The following ACOX2 variants were observed in gnomAD, a reference collection of about 807,000 sequenced individuals.
ACOX2 encodes the protein acyl-CoA oxidase 2, also known as peroxisomal acyl-coenzyme A oxidase 2.
Under a neutral mutation model 77.5 loss-of-function variants are expected in ACOX2, and 59 were observed. The ratio of observed to expected loss-of-function variants is 0.76; its 90% confidence interval spans 0.62 to 0.95. The LOEUF is 0.95. Ranked by LOEUF, ACOX2 falls within the 40% of genes least tolerant of loss-of-function variation. The pLI, the probability that ACOX2 is intolerant of heterozygous loss-of-function variation, is 0.00. For missense variants in ACOX2, 837 were observed against 880.4 expected, an observed-to-expected ratio of 0.95 and a Z score of 0.62; for synonymous variants, 317 against 340.1, an observed-to-expected ratio of 0.93 and a Z score of 0.75.
rs183709752 is a variant in ACOX2 at position 58,526,334 on chromosome 3, A to G, written c.1346+132T>C. 10 of 1,052,912 alleles carry G rather than the reference A, an allele frequency of 9.5e-6. No individual in the cohort carries two copies. Among genetic ancestry groups the G allele is most frequent in the African/African-American group, 4.9e-5 (3 of 61,840 alleles). The allele number at this position is 1,052,912 out of a possible 1,614,324, so 65.2% of individuals were successfully genotyped here. A position where few individuals can be genotyped will look rare whatever the true frequency, so the allele number is the denominator to read the frequency against. On this transcript the variant is annotated intron_variant, in intron 10 of 14. Coordinates refer to ENST00000302819, the MANE Select transcript of ACOX2 (RefSeq NM_003500.4). This position sits in a 1 kb window ranked among gnomAD's most constrained non-coding sequence, Gnocchi z 4.3. Reference sequence around the variant, plus strand: ...GTGGATAGGTTAGTCATACTGGGGAATTGGACAGCTCCCAAATAGCACTTC... The same window carrying G: ...GTGGATAGGTTAGTCATACTGGGGAGTTGGACAGCTCCCAAATAGCACTTC...
At position 58,505,809 on chromosome 3, in the gene ACOX2, T is replaced by TG. The variant is rs397817152; in HGVS notation, c.1984-524dup. Among the ~76,000 whole-genome samples the TG allele has an allele frequency of 2.4e-4, 36 of 152,134 alleles. No individual in the cohort carries two copies. The highest frequency in any genetic ancestry group is 1.2e-3 in the South Asian group (6 of 4,804). On this transcript the variant is annotated intron_variant, in intron 14 of 14. Coordinates refer to ENST00000302819, the MANE Select transcript of ACOX2 (RefSeq NM_003500.4). The surrounding 1 kb of genome is among the most constrained non-coding windows in gnomAD (Gnocchi z 4.4). ...CACTGGGCTTTTGACTGTTTTTTTT[T>TG]GGAGACAGTATTGCTCTGTTGCCCA...
intron 9 of ACOX2, among the ~76,000 whole-genome samples, chr3:58,527,842 G>C (rs952397914): frequency 1.7e-4 from 25 of 150,014 alleles, no homozygotes; most frequent in Non-Finnish European, 3.5e-4. Flanking sequence ...ACAGGTGTGT[G>C]CTACCACACC....
At chr3:58,530,349 G>T in intron 8 of ACOX2, 117 bp downstream of exon 8, 2 of 1,381,656 alleles carry the variant, frequency 1.4e-6, no homozygotes, top group Non-Finnish European at 9.9e-7. Context: ...TGTATGTGGT[G>T]GGGGGCATTG....
At position 58,531,693 on chromosome 3, in the gene ACOX2, C is replaced by A; in HGVS notation, c.703G>T (p.Gly235Ter). 6.2e-7 allele frequency: 1 copy of A among 1,613,806 alleles called. No homozygotes were observed. The highest frequency in any genetic ancestry group is 1.1e-5 in the South Asian group (1 of 91,024). ...CCTTGAGGGAGCATTATGGGCTTAC[C>A]TGGCAGTGGGGTGTGGTCCTGAAGA... ...RSLQDHTPLPGIIIGDIGPKM... is the reference protein window; with the variant it reads ...RSLQDHTPLP The change falls in exon 6 of 15, where the codon GGA becomes TGA. Residue 235 changes from glycine to a stop codon, truncating the protein, a stop_gained and splice_region_variant. Transcript: ENST00000302819. LOFTEE classifies it high-confidence loss of function. This position sits in a 1 kb window ranked among gnomAD's most constrained non-coding sequence, Gnocchi z 5.8.
At chr3:58,517,165 T>C in intron 13 of ACOX2, 41 bp downstream of exon 13, 3 of 1,597,360 alleles carry the variant, frequency 1.9e-6, no homozygotes, top group Non-Finnish European at 1.7e-6. Context: ...GGTAGGGTTA[T>C]TCTCTGAAGA....
At position 58,534,668 on chromosome 3, in the gene ACOX2, G is replaced by A. The variant is rs1340818987; in HGVS notation, c.161-146C>T. 13 of 1,532,860 alleles carry A rather than the reference G, an allele frequency of 8.5e-6. No homozygotes were observed. The allele number at this position is 1,532,860 out of a possible 1,614,324, so 95.0% of individuals were successfully genotyped here. On this transcript the variant is annotated intron_variant, in intron 2 of 14. Transcript: ENST00000302819. This position sits in a 1 kb window ranked among gnomAD's most constrained non-coding sequence, Gnocchi z 4.8. ...AGATGACAAAACTGAGGACCAAGGT[G>A]GGAAAGTGAATTGCCCAAGGTTACA... is the stretch of plus-strand genomic sequence containing the variant.
At chr3:58,518,426 A>G (rs2063337399) in intron 12 of ACOX2, among the ~76,000 whole-genome samples, 1 of 152,200 alleles carries the variant, frequency 6.6e-6, no homozygotes, top group Non-Finnish European at 1.5e-5. Context: ...TAAAGGATTA[A>G]TGTTTGACTC....
Position 58,526,690 on chromosome 3 carries a change from A to T in ACOX2, c.1156-34T>A, listed in dbSNP as rs373957272. ...ACATGGAGGGGGGTTGGGCGGTGTT[A>T]GGGGGCCTCCACCATAGGGACCAAC... On this transcript the variant is annotated intron_variant, in intron 9 of 14. Transcript: ENST00000302819. This position sits in a 1 kb window ranked among gnomAD's most constrained non-coding sequence, Gnocchi z 4.3. 10 of 1,603,742 alleles carry T rather than the reference A, an allele frequency of 6.2e-6. No individual in the cohort carries two copies. In the African/African-American group the frequency reaches 1.3e-4, roughly 21 times the overall value.
chr3:58,526,624 C>T lies in ACOX2; in HGVS notation c.1188G>A (p.Met396Ile). Residue 396 changes from methionine (M) to isoleucine (I), a missense_variant, in exon 10 of 15, where the codon ATG (methionine) becomes ATA (isoleucine). By Grantham distance (10) the Met-to-Ile change is conservative. Coordinates refer to ENST00000302819, the MANE Select transcript of ACOX2 (RefSeq NM_003500.4). This position sits in a 1 kb window ranked among gnomAD's most constrained non-coding sequence, Gnocchi z 4.3. ...LHALSTGMKA[M>I]MSEFCTQGAE... ...CTCCCTGGGTGCAGAATTCTGACATCATGGCCTTCATGCCCGTGCTCAGTG... is the reference window on the plus strand; with the variant it reads ...CTCCCTGGGTGCAGAATTCTGACATTATGGCCTTCATGCCCGTGCTCAGTG... 1 of 1,614,174 alleles carries T rather than the reference C, an allele frequency of 6.2e-7. No individual in the cohort carries two copies. Among genetic ancestry groups the T allele is most frequent in the Non-Finnish European group, 8.5e-7 (1 of 1,180,034 alleles).
intron 12 of ACOX2, among the ~76,000 whole-genome samples, chr3:58,517,803 G>T (rs2063332480): frequency 6.6e-6 from 1 of 152,018 alleles, no homozygotes; most frequent in African/African-American, 2.4e-5. Flanking sequence ...GGCTGGGCGC[G>T]GTGGCTCACG....
In ACOX2 at chr3:58,534,202, C is replaced by A; in HGVS notation, c.324-57G>T. On this transcript the variant is annotated intron_variant, in intron 3 of 14. Coordinates refer to ENST00000302819, the MANE Select transcript of ACOX2 (RefSeq NM_003500.4). The surrounding 1 kb of genome is among the most constrained non-coding windows in gnomAD (Gnocchi z 4.8). ...TTATTGGAGACAGGGGCCCAGGTAC[C>A]CCCTGCCTGAGCAGAGTACAGGAGA... is the stretch of plus-strand genomic sequence containing the variant. 3 of 1,606,888 alleles carry A rather than the reference C, an allele frequency of 1.9e-6. No individual in the cohort carries two copies. Among genetic ancestry groups the A allele is most frequent in the South Asian group, 1.1e-5 (1 of 90,306 alleles).
In ACOX2 at chr3:58,533,755, G is replaced by A; in HGVS notation, c.476-203C>T. 1.5e-6 allele frequency: 1 copy of A among 671,246 alleles called. No homozygotes were observed. Among genetic ancestry groups the A allele is most frequent in the Admixed American group, 2.9e-5 (1 of 34,246 alleles). The allele number at this position is 671,246 out of a possible 1,614,324, so 41.6% of individuals were successfully genotyped here. Reference sequence around the variant, plus strand: ...GTCCCCTATAGCCAGTCCATGAGAAGGGGTGGCTGCTGATGTTTCCAGAAG... The same window carrying A: ...GTCCCCTATAGCCAGTCCATGAGAAAGGGTGGCTGCTGATGTTTCCAGAAG... On this transcript the variant is annotated intron_variant, in intron 4 of 14. Transcript: ENST00000302819. The surrounding 1 kb of genome is among the most constrained non-coding windows in gnomAD (Gnocchi z 5.6).
In ACOX2 at chr3:58,535,270, T is replaced by G; in HGVS notation, c.-91-73A>C. Reference sequence around the variant, plus strand: ...TTGGTAGAAGAAAGACATCCCTAAGTACCTGAATGCCACTCCACCTCCCCA... The same window carrying G: ...TTGGTAGAAGAAAGACATCCCTAAGGACCTGAATGCCACTCCACCTCCCCA... On this transcript the variant is annotated intron_variant, in intron 1 of 14. Transcript: ENST00000302819. This position sits in a 1 kb window ranked among gnomAD's most constrained non-coding sequence, Gnocchi z 4.8. 1 of 779,070 alleles carries G rather than the reference T, an allele frequency of 1.3e-6. No individual in the cohort carries two copies. Among genetic ancestry groups the G allele is most frequent in the East Asian group, 2.5e-5 (1 of 39,424 alleles). 48.3% of individuals were successfully genotyped at this position (779,070 alleles called of 1,614,324 possible).
Position 58,531,938 on chromosome 3 carries a change from AAGAG to A in ACOX2, c.584-130_584-127del, listed in dbSNP as rs927275165. On this transcript the variant is annotated intron_variant, in intron 5 of 14. Coordinates refer to ENST00000302819, the MANE Select transcript of ACOX2 (RefSeq NM_003500.4). The surrounding 1 kb of genome is among the most constrained non-coding windows in gnomAD (Gnocchi z 5.8). ...TGGGGCCCTGAAAAGTCACTGATCAAAGAGAGAGGGGATTGCCCCCAAAGAACCA... is the reference window on the plus strand; with the variant it reads ...TGGGGCCCTGAAAAGTCACTGATCAAAGAGGGGATTGCCCCCAAAGAACCA... The A allele has an allele frequency of 2.2e-6, 3 of 1,357,044 alleles. No individual in the cohort carries two copies. The highest frequency in any genetic ancestry group is 1.6e-5 in the South Asian group (1 of 62,422). 84.1% of individuals were successfully genotyped at this position (1,357,044 alleles called of 1,614,324 possible). A position where few individuals can be genotyped will look rare whatever the true frequency, so the allele number is the denominator to read the frequency against.
At position 58,512,901 on chromosome 3, in the gene ACOX2, A is replaced by T. The variant is rs2063298019; in HGVS notation, c.1851-3876T>A. Reference sequence around the variant, plus strand: ...ATACCATTTAGGCTTGTGTAAGTACACTCTGTGATGTTCACATGATGACAG... The same window carrying T: ...ATACCATTTAGGCTTGTGTAAGTACTCTCTGTGATGTTCACATGATGACAG... On this transcript the variant is annotated intron_variant, in intron 13 of 14. Transcript: ENST00000302819. The surrounding 1 kb of genome is among the most constrained non-coding windows in gnomAD (Gnocchi z 4.8). Among the ~76,000 whole-genome samples, 1 of 152,106 alleles carries T rather than the reference A, an allele frequency of 6.6e-6. No homozygotes were observed. Among genetic ancestry groups the T allele is most frequent in the African/African-American group, 2.4e-5 (1 of 41,428 alleles).
Position 58,530,461 on chromosome 3 carries a change from C to G in ACOX2, c.992+5G>C. On this transcript the variant is annotated splice_donor_5th_base_variant and intron_variant, in intron 8 of 14. Transcript: ENST00000302819. Reference sequence around the variant, plus strand: ...TGCGGTAGTCAGTCACTGGGCACCCCTTGCCTGGGCCGGAGCCGGGATTGG... The same window carrying G: ...TGCGGTAGTCAGTCACTGGGCACCCGTTGCCTGGGCCGGAGCCGGGATTGG... 1.2e-6 allele frequency: 2 copies of G among 1,613,326 alleles called. No individual in the cohort carries two copies. The highest frequency in any genetic ancestry group is 1.7e-6 in the Non-Finnish European group (2 of 1,179,460).
chr3:58,534,550 A>C lies in ACOX2; in HGVS notation c.161-28T>G. 1 of 1,614,218 alleles carries C rather than the reference A, an allele frequency of 6.2e-7. No homozygotes were observed. Among genetic ancestry groups the C allele is most frequent in the South Asian group, 1.1e-5 (1 of 91,084 alleles). ...GCAGAGGACAGAGAACAGAGGGCTT[A>C]GGGACCTGGGTGAGGTTTCTGGCAC... is the stretch of plus-strand genomic sequence containing the variant. On this transcript the variant is annotated intron_variant, in intron 2 of 14. Transcript: ENST00000302819. The surrounding 1 kb of genome is among the most constrained non-coding windows in gnomAD (Gnocchi z 4.8).
At chr3:58,517,566 G>T in intron 12 of ACOX2, 143 bp from the exon 13 acceptor site, 1 of 527,394 alleles carries the variant, frequency 1.9e-6, no homozygotes, top group Non-Finnish European at 3.1e-6. Context: ...TTTTCTCCTA[G>T]CTCTGGGTCT....
At chr3:58,510,967 GTT>G (rs757709082) in intron 13 of ACOX2, 1 of 456,262 alleles carries the variant, frequency 2.2e-6, no homozygotes, top group South Asian at 1.5e-5. Context: ...TTCTTAGGCA[GTT>G]ATTTCTTACC....
Sources: gnomAD v4.1 joint callset for allele counts (sites outside exome capture counted in the v4.1 genomes callset) on GRCh38, gnomAD v4.1.1 for gene constraint, Gnocchi (gnomAD v3.1) non-coding constraint, MANE v1.5 for transcripts, NCBI Gene and HGNC (gene_info 2026-07-23, HGNC 2026-07-21) for gene names.